FBXO34: variants seen among roughly 807,000 people sequenced by gnomAD.
FBXO34 encodes F-box only protein 34.
FBXO34 carries 12 observed loss-of-function variants against 24.5 expected under a neutral mutation model. That is an observed-to-expected ratio of 0.49 (90% CI 0.31 to 0.79). The LOEUF (loss-of-function observed/expected upper bound fraction) is 0.79, where lower values mean the gene tolerates loss of function less well. Among genes scored for constraint, FBXO34 ranks in the 30% least tolerant of loss-of-function variants. FBXO34 has a pLI of 0.04. For missense variants in FBXO34, 823 were observed against 857.7 expected, an observed-to-expected ratio of 0.96 and a Z score of 0.51; for synonymous variants, 320 against 311.9, an observed-to-expected ratio of 1.03 and a Z score of -0.27.
chr14:55,297,795 C>T (rs932815173), intron 1 of FBXO34, among the ~76,000 whole-genome samples: 1 of 152,112 alleles, frequency 6.6e-6, no homozygotes, highest in Non-Finnish European at 1.5e-5. Context: ...AAAAAGAAAT[C>T]TTGGAGCACA....
the FBXO34 span, among the ~76,000 whole-genome samples, chr14:55,425,559 G>A: frequency 5.1e-4 from 77 of 152,318 alleles, no homozygotes; most frequent in Admixed American, 3.2e-3. Context: ...CATTCCAAAA[G>A]AAGGCTGAGG....
chr14:55,358,535 A>G (rs1884552160), downstream of FBXO34, among the ~76,000 whole-genome samples: 1 of 152,170 alleles, frequency 6.6e-6, no homozygotes, highest in Non-Finnish European at 1.5e-5. Flanking sequence ...GAAGGGCTGG[A>G]GGTCCTGAGG....
intron 1 of FBXO34, among the ~76,000 whole-genome samples, chr14:55,304,653 C>T (rs565110415): frequency 7.6e-4 from 115 of 152,188 alleles, no homozygotes; most frequent in Admixed American, 1.1e-3. Context: ...GTACATACCA[C>T]TGTGCCCAGC....
the FBXO34 span, among the ~76,000 whole-genome samples, chr14:55,439,474 A>C: frequency 6.8e-6 from 1 of 146,992 alleles, no homozygotes; most frequent in South Asian, 2.2e-4. Context: ...AGCACAATGC[A>C]CTCTCTGTGC....
At chr14:55,317,952 G>A (rs1594748021) in intron 1 of FBXO34, among the ~76,000 whole-genome samples, 1 of 152,084 alleles carries the variant, frequency 6.6e-6, no homozygotes, top group Non-Finnish European at 1.5e-5. Context: ...TATGGGAATT[G>A]GATTGCATTT....
chr14:55,429,012 G>A, the FBXO34 span: 11 of 1,607,054 alleles, frequency 6.8e-6, no homozygotes, highest in South Asian at 3.3e-5. Flanking sequence ...TGTCTTAATC[G>A]CTACATCCTC....
At chr14:55,440,614 C>T in the FBXO34 span, 1 of 1,479,590 alleles carries the variant, frequency 6.8e-7, no homozygotes, top group Non-Finnish European at 9.0e-7. Context: ...GCGAGAGAAG[C>T]GTTGGGCGAT....
intron 1 of FBXO34, among the ~76,000 whole-genome samples, chr14:55,279,748 G>T (rs968002795): frequency 6.6e-6 from 1 of 152,218 alleles, no homozygotes; most frequent in African/African-American, 2.4e-5. Flanking sequence ...GCCAGCCTGG[G>T]CCTACCTCTG....
At chr14:55,440,638 G>C in the FBXO34 span, 1 of 1,374,628 alleles carries the variant, frequency 7.3e-7, no homozygotes, top group Admixed American at 2.8e-5. Context: ...CTTGGAGCGG[G>C]ATGCGGAACC....
the FBXO34 span, among the ~76,000 whole-genome samples, chr14:55,434,375 G>T: frequency 2.6e-5 from 4 of 152,112 alleles, no homozygotes; most frequent in Non-Finnish European, 5.9e-5. Flanking sequence ...CCTGCCACAT[G>T]GACGTGTCAT....
chr14:55,342,726 T>G (rs1055923194), intron 1 of FBXO34, among the ~76,000 whole-genome samples: 5 of 152,194 alleles, frequency 3.3e-5, no homozygotes, highest in African/African-American at 9.7e-5. Context: ...TAGATTAGTA[T>G]GGTTTATGTG....
At chr14:55,277,566 A>G (rs984843266) in intron 1 of FBXO34, among the ~76,000 whole-genome samples, 1 of 152,114 alleles carries the variant, frequency 6.6e-6, no homozygotes, top group African/African-American at 2.4e-5. Context: ...AGGCCCAATT[A>G]TAGTGTACTG....
At chr14:55,417,094 C>T in the FBXO34 span, among the ~76,000 whole-genome samples, 29 of 152,190 alleles carry the variant, frequency 1.9e-4, no homozygotes, top group Non-Finnish European at 3.5e-4. Flanking sequence ...ATCATTATAT[C>T]ATAGAGAAAC....
intron 1 of FBXO34, chr14:55,298,995 G>A: frequency 1.2e-6 from 2 of 1,608,756 alleles, no homozygotes; most frequent in Non-Finnish European, 1.7e-6. Flanking sequence ...TAAAGTTGAT[G>A]AGTTAATGCA....
the FBXO34 span, among the ~76,000 whole-genome samples, chr14:55,424,543 G>A: frequency 6.6e-6 from 1 of 152,174 alleles, no homozygotes; most frequent in African/African-American, 2.4e-5. Flanking sequence ...TTGAGAGCTT[G>A]TTGGTTAAAC....
the FBXO34 span, chr14:55,424,337 G>A: frequency 1.3e-6 from 1 of 784,752 alleles, no homozygotes; most frequent in Non-Finnish European, 2.1e-6. Context: ...ATATTAAAGT[G>A]CATATTAAAG....
intron 1 of FBXO34, among the ~76,000 whole-genome samples, chr14:55,313,242 A>C (rs539747764): frequency 3.3e-5 from 5 of 152,168 alleles, no homozygotes; most frequent in Non-Finnish European, 7.4e-5. Flanking sequence ...CTTTGCTAAA[A>C]CATACTGAGA....
intron 1 of FBXO34, among the ~76,000 whole-genome samples, chr14:55,273,637 A>T (rs568480448): frequency 2.0e-5 from 3 of 152,284 alleles, no homozygotes; most frequent in African/African-American, 7.2e-5. Context: ...ATTATTATGC[A>T]ACTGCTGATA....
chr14:55,310,874 T>A (rs76647998), intron 1 of FBXO34, among the ~76,000 whole-genome samples: 8,830 of 152,132 alleles, frequency 0.058, 324 homozygotes, highest in South Asian at 0.089. Context: ...CGTTTTCTTA[T>A]CTGAACTGTT....
Sources: allele counts gnomAD v4.1 joint callset (sites outside exome capture counted in the v4.1 genomes callset), GRCh38; gene constraint gnomAD v4.1.1; transcripts MANE v1.5; gene names NCBI Gene and HGNC (gene_info 2026-07-23, HGNC 2026-07-21).